Variants in STX6 observed in about 807,000 individuals in gnomAD.
STX6 encodes the protein syntaxin 6.
In STX6, 23 loss-of-function variants were observed where a neutral mutation model predicts 38.0. The observed-to-expected ratio is 0.60, with a 90% CI of 0.43 to 0.86. The LOEUF (loss-of-function observed/expected upper bound fraction) is 0.86. Among genes scored for constraint, STX6 ranks in the 40% least tolerant of loss-of-function variants. STX6 has a pLI of 0.00. For missense variants in STX6, 274 were observed against 312.9 expected, an observed-to-expected ratio of 0.88 and a Z score of 0.94; for synonymous variants, 123 against 107.5, an observed-to-expected ratio of 1.14 and a Z score of -0.89.
intron 6 of STX6, among the ~76,000 whole-genome samples, chr1:180,985,093 A>C (rs1316852699): frequency 6.6e-6 from 1 of 152,198 alleles, no homozygotes; most frequent in Non-Finnish European, 1.5e-5. Flanking sequence ...TCACAGTTGG[A>C]GTCAGTTCAG....
chr1:180,984,734 G>C lies in STX6; in HGVS notation c.634C>G (p.Gln212Glu), dbSNP rs762680058. 1.9e-6 allele frequency: 3 copies of C among 1,597,042 alleles called. No homozygotes were observed. The highest frequency in any genetic ancestry group is 4.5e-5 in the East Asian group (2 of 44,738). Reference sequence around the variant, plus strand: ...TTCATCACATTGTCCAGCCGGGACTGAGTGCTCTCCAATTCGTGAGAGAAA... The same window carrying C: ...TTCATCACATTGTCCAGCCGGGACTCAGTGCTCTCCAATTCGTGAGAGAAA... The part of the protein sequence containing the change: ...EDFSHELEST[Q>E]SRLDNVMKKL... Residue 212 changes from glutamine to glutamate, a missense_variant, in exon 7 of 8, where the codon CAG becomes GAG. Gln to Glu is a conservative substitution (Grantham distance 29). Transcript: ENST00000258301.
At position 181,022,751 on chromosome 1, in the gene STX6, G is replaced by A. The variant is rs548075207; in HGVS notation, c.-78C>T. 153 of 1,431,008 alleles carry A rather than the reference G, an allele frequency of 1.1e-4. No homozygotes were observed. Among genetic ancestry groups the A allele is most frequent in the Non-Finnish European group, 1.4e-4 (142 of 1,043,814 alleles). The allele number at this position is 1,431,008 out of a possible 1,614,324, so 88.6% of individuals were successfully genotyped here. A position where few individuals can be genotyped will look rare whatever the true frequency, so the allele number is the denominator to read the frequency against. ...CTCCCGGTCTCCCTCCGCCCACCCC[G>A]CCTGTTCCCGCAGCTGCCCGCGCCT... On this transcript the variant is annotated 5_prime_UTR_variant, in exon 1 of 8. Coordinates refer to ENST00000258301, the MANE Select transcript of STX6 (RefSeq NM_005819.6).
At chr1:181,019,230 A>C (rs530913394) in intron 1 of STX6, among the ~76,000 whole-genome samples, 1 of 152,188 alleles carries the variant, frequency 6.6e-6, no homozygotes, top group East Asian at 1.9e-4. Context: ...TGCCCAACTT[A>C]GGCCTTTGGC....
chr1:180,982,983 G>A (rs1655457908), intron 7 of STX6, among the ~76,000 whole-genome samples: 1 of 152,232 alleles, frequency 6.6e-6, no homozygotes, highest in Admixed American at 6.5e-5. Flanking sequence ...TGTTTTGGAT[G>A]TAATAGGTCC....
rs571275492 is a variant in STX6, at chr1:180,972,864, T to C, written c.*3706A>G. The C allele has an allele frequency of 4.8e-5, 11 of 229,146 alleles. No individual in the cohort carries two copies. The East Asian group carries it at 1.2e-3, about 26-fold the overall frequency. 14.2% of individuals were successfully genotyped at this position (229,146 alleles called of 1,614,324 possible). A position where few individuals can be genotyped will look rare whatever the true frequency, so the allele number is the denominator to read the frequency against. ...CTTTCAGCAAATTCTGGTTTGGTTT[T>C]ATTTTTTAATCAAAAAAAAAAAAAG... On this transcript the variant is annotated 3_prime_UTR_variant, in exon 8 of 8. Coordinates refer to ENST00000258301, the MANE Select transcript of STX6 (RefSeq NM_005819.6).
chr1:181,009,505 G>A (rs1406539501), intron 1 of STX6, among the ~76,000 whole-genome samples: 3 of 148,364 alleles, frequency 2.0e-5, no homozygotes, highest in Admixed American at 2.0e-4. Flanking sequence ...GATTTGACCA[G>A]TCACTTCACC....
intron 4 of STX6, among the ~76,000 whole-genome samples, chr1:180,990,347 TA>T (rs1655720518): frequency 6.6e-6 from 1 of 152,150 alleles, no homozygotes; most frequent in Non-Finnish European, 1.5e-5. Context: ...TTTGTCCCCT[TA>T]AAGTGCAAAT....
At chr1:180,979,928 T>A (rs1360891849) in intron 7 of STX6, among the ~76,000 whole-genome samples, 1 of 152,172 alleles carries the variant, frequency 6.6e-6, no homozygotes, top group African/African-American at 2.4e-5. Flanking sequence ...GAGATGGGGC[T>A]GGGCAAGGTG....
chr1:180,977,360 GC>G (rs1655284850), intron 7 of STX6, among the ~76,000 whole-genome samples: 1 of 152,216 alleles, frequency 6.6e-6, no homozygotes, highest in African/African-American at 2.4e-5. Flanking sequence ...AGACAGAAGG[GC>G]CCAGACAGGC....
Position 180,990,121 on chromosome 1 carries a change from GAAC to G in STX6, c.364-15_364-13del. The stretch of plus-strand genomic sequence containing the variant: ...TCTCCCAGCAGTGCCTGTGTGAGAA[GAAC>G]AACCAGAGGAGTCAGGAGAAACAAA... On this transcript the variant is annotated splice_polypyrimidine_tract_variant and intron_variant, in intron 4 of 7. Coordinates refer to ENST00000258301, the MANE Select transcript of STX6 (RefSeq NM_005819.6). The G allele has an allele frequency of 6.2e-7, 1 of 1,613,910 alleles. No homozygotes were observed. The highest frequency in any genetic ancestry group is 1.1e-5 in the South Asian group (1 of 91,072).
chr1:181,002,867 A>C (rs1053575261), intron 2 of STX6, among the ~76,000 whole-genome samples, 167 bp from the exon 3 acceptor site: 2 of 152,190 alleles, frequency 1.3e-5, no homozygotes, highest in Non-Finnish European at 2.9e-5. Flanking sequence ...CCACAGCCAC[A>C]GGAGGGAGGA....
rs140123091 is a variant in STX6, at chr1:181,020,930, C to A, written c.35+1709G>T. 1.9e-4 allele frequency among the ~76,000 whole-genome samples: 29 copies of A among 152,232 alleles called. No homozygotes were observed. In the Middle Eastern group the frequency reaches 0.01, roughly 54 times the overall value. On this transcript the variant is annotated intron_variant, in intron 1 of 7. Coordinates refer to ENST00000258301, the MANE Select transcript of STX6 (RefSeq NM_005819.6). ...TGACTCCCCAAAAATCTGGATACAC[C>A]TTCATGGGTGACTTTACCTTTCCAC...
At chr1:180,996,870 G>T (rs983668328) in intron 3 of STX6, among the ~76,000 whole-genome samples, 18 of 152,250 alleles carry the variant, frequency 1.2e-4, no homozygotes, top group Admixed American at 3.3e-4. Context: ...ATCATGACTG[G>T]CAATGAATAT....
intron 1 of STX6, among the ~76,000 whole-genome samples, chr1:181,011,979 C>T (rs916401659): frequency 6.6e-6 from 1 of 152,200 alleles, no homozygotes; most frequent in African/African-American, 2.4e-5. Context: ...TTCTTTATCC[C>T]TTATCTTTAT....
chr1:180,986,966 C>A (rs1655606356), intron 6 of STX6, among the ~76,000 whole-genome samples: 3 of 152,226 alleles, frequency 2.0e-5, no homozygotes, highest in Non-Finnish European at 4.4e-5. Flanking sequence ...CAGCTTCCTA[C>A]CTGGTCTCCC....
At chr1:181,021,272 T>C (rs1656717909) in intron 1 of STX6, among the ~76,000 whole-genome samples, 1 of 152,202 alleles carries the variant, frequency 6.6e-6, no homozygotes, top group South Asian at 2.1e-4. Flanking sequence ...ACATCTATTT[T>C]AAAAATTAAC....
chr1:180,974,673 A>G lies in STX6; in HGVS notation c.*1897T>C, dbSNP rs1465524713. The G allele has an allele frequency of 6.5e-6, 1 of 152,682 alleles. No homozygotes were observed. Among genetic ancestry groups the G allele is most frequent in the Non-Finnish European group, 1.5e-5 (1 of 68,046 alleles). 9.5% of individuals were successfully genotyped at this position (152,682 alleles called of 1,614,324 possible). On this transcript the variant is annotated 3_prime_UTR_variant, in exon 8 of 8. Coordinates refer to ENST00000258301, the MANE Select transcript of STX6 (RefSeq NM_005819.6). ...AGACAAGGTTCACATTTACTTTAAA[A>G]GACTTCTATATTTTAATGCAAATCT...
At chr1:180,984,999 C>A (rs1655529700) in intron 6 of STX6, among the ~76,000 whole-genome samples, 2 of 152,128 alleles carry the variant, frequency 1.3e-5, no homozygotes, top group African/African-American at 2.4e-5. Context: ...TTAGTCGACA[C>A]CACTAGGAGG....
intron 3 of STX6, among the ~76,000 whole-genome samples, chr1:180,995,252 T>C (rs1655872307): frequency 6.6e-6 from 1 of 152,092 alleles, no homozygotes; most frequent in Non-Finnish European, 1.5e-5. Context: ...TGAGCCACCA[T>C]GCCTGGCCTA....
Sources: allele counts gnomAD v4.1 joint callset (sites outside exome capture counted in the v4.1 genomes callset), GRCh38; gene constraint gnomAD v4.1.1; transcripts MANE v1.5; gene names NCBI Gene and HGNC (gene_info 2026-07-23, HGNC 2026-07-21).